LINGO2: variants seen among roughly 807,000 people sequenced by gnomAD.
LINGO2 encodes the protein leucine-rich repeat and immunoglobulin-like domain-containing nogo receptor-interacting protein 2.
Under a neutral mutation model 30.6 loss-of-function variants are expected in LINGO2, and 14 were observed. That is an observed-to-expected ratio of 0.46 (90% CI 0.30 to 0.72). The LOEUF is 0.72. Ranked by LOEUF, LINGO2 falls within the 30% of genes least tolerant of loss-of-function variation. The pLI is 0.07. For synonymous variants in LINGO2, 317 were observed against 288.5 expected, an observed-to-expected ratio of 1.10 and a Z score of -1.00; for missense variants, 729 against 751.7, an observed-to-expected ratio of 0.97 and a Z score of 0.35.
chr9:27,948,683 G>A (rs1823465298), exon 6 of LINGO2: 2 of 749,322 alleles, frequency 2.7e-6, no homozygotes, highest in Non-Finnish European at 4.4e-6. Context: ...CTGCCTGCCT[G>A]CCTTTCGATG....
At chr9:28,103,884 G>A (rs1259986980) in intron 4 of LINGO2, among the ~76,000 whole-genome samples, 1 of 152,048 alleles carries the variant, frequency 6.6e-6, no homozygotes, top group African/African-American at 2.4e-5. Flanking sequence ...CTTTGCTCTG[G>A]AAACAATGAG....
At chr9:29,050,369 GTA>G in the LINGO2 span, among the ~76,000 whole-genome samples, 1 of 151,822 alleles carries the variant, frequency 6.6e-6, no homozygotes, top group African/African-American at 2.4e-5. Context: ...AACATCTCAT[GTA>G]TTCCATAAAT....
chr9:28,776,710 A>G, the LINGO2 span, among the ~76,000 whole-genome samples: 1 of 152,182 alleles, frequency 6.6e-6, no homozygotes, highest in Non-Finnish European at 1.5e-5. Context: ...TTTCCTTTTC[A>G]AAGGTTATTG....
the LINGO2 span, among the ~76,000 whole-genome samples, chr9:28,680,865 C>T: frequency 6.6e-6 from 1 of 152,134 alleles, no homozygotes; most frequent in East Asian, 1.9e-4. Context: ...GCATTTTTGA[C>T]ATTAAACCCT....
At chr9:28,562,992 G>T (rs13286960) in intron 1 of LINGO2, among the ~76,000 whole-genome samples, 1 of 151,834 alleles carries the variant, frequency 6.6e-6, no homozygotes, top group Non-Finnish European at 1.5e-5. Context: ...GACAACAGGC[G>T]CATGCGACCA....
the LINGO2 span, among the ~76,000 whole-genome samples, chr9:28,791,257 T>C: frequency 5.9e-5 from 9 of 152,092 alleles, no homozygotes; most frequent in African/African-American, 2.2e-4. Flanking sequence ...AATGAGAGTA[T>C]TCTTTATCTT....
the LINGO2 span, among the ~76,000 whole-genome samples, chr9:29,145,142 C>A: frequency 6.6e-6 from 1 of 152,208 alleles, no homozygotes; most frequent in African/African-American, 2.4e-5. Context: ...GCTCTAGCAG[C>A]TGTTGTTCAG....
chr9:28,089,140 A>G (rs1489469711), intron 4 of LINGO2, among the ~76,000 whole-genome samples: 1 of 152,298 alleles, frequency 6.6e-6, no homozygotes, highest in East Asian at 1.9e-4. Context: ...ACCATTGTCA[A>G]CATTAGACAG....
the LINGO2 span, among the ~76,000 whole-genome samples, chr9:28,991,520 A>C: frequency 0.9 from 107,921 of 120,484 alleles, 48,670 homozygotes; most frequent in Non-Finnish European, 0.93. Context: ...GAGAACGCCA[A>C]AAAGATACTC....
chr9:28,251,991 C>T (rs545529345), intron 4 of LINGO2, among the ~76,000 whole-genome samples: 8 of 152,044 alleles, frequency 5.3e-5, no homozygotes, highest in South Asian at 2.1e-4. Context: ...AGCTATGTGA[C>T]GTTGGCCAAT....
chr9:28,709,900 G>A, the LINGO2 span, among the ~76,000 whole-genome samples: 1 of 151,812 alleles, frequency 6.6e-6, no homozygotes. Flanking sequence ...AAGGGCTATT[G>A]CACCTATGAT....
chr9:28,716,382 A>C, the LINGO2 span, among the ~76,000 whole-genome samples: 6 of 152,062 alleles, frequency 3.9e-5, no homozygotes, highest in African/African-American at 1.4e-4. Flanking sequence ...GAAAGGGTCC[A>C]AAATATTCAG....
intron 4 of LINGO2, among the ~76,000 whole-genome samples, chr9:28,028,798 G>A (rs1823516357): frequency 6.6e-6 from 1 of 152,046 alleles, no homozygotes; most frequent in African/African-American, 2.4e-5. Flanking sequence ...ATCCATGGAT[G>A]AGAATCCACA....
At chr9:28,540,942 T>G (rs1821665684) in intron 1 of LINGO2, among the ~76,000 whole-genome samples, 1 of 152,218 alleles carries the variant, frequency 6.6e-6, no homozygotes, top group African/African-American at 2.4e-5. Flanking sequence ...AAAAACAAAG[T>G]CTTTTATTTC....
At chr9:28,811,601 T>C in the LINGO2 span, among the ~76,000 whole-genome samples, 4 of 152,162 alleles carry the variant, frequency 2.6e-5, no homozygotes, top group Non-Finnish European at 5.9e-5. Context: ...ACTAGCTTTT[T>C]TTCTATTCCT....
chr9:28,572,431 A>G (rs1424107597), intron 1 of LINGO2, among the ~76,000 whole-genome samples: 1 of 152,148 alleles, frequency 6.6e-6, no homozygotes, highest in African/African-American at 2.4e-5. Flanking sequence ...CAAGAAAGGC[A>G]GGGTCACACC....
chr9:28,618,023 A>C (rs1306900604), intron 1 of LINGO2, among the ~76,000 whole-genome samples: 1 of 152,174 alleles, frequency 6.6e-6, no homozygotes, highest in Non-Finnish European at 1.5e-5. Context: ...GAGTTAATGA[A>C]GTTTTAAGAG....
chr9:28,283,331 T>C (rs1187081147), intron 4 of LINGO2, among the ~76,000 whole-genome samples: 1 of 152,180 alleles, frequency 6.6e-6, no homozygotes, highest in Non-Finnish European at 1.5e-5. Context: ...GTTGACATTA[T>C]CATCAGCAAA....
intron 4 of LINGO2, among the ~76,000 whole-genome samples, chr9:28,055,288 ATG>A (rs1824873251): frequency 6.6e-6 from 1 of 152,150 alleles, no homozygotes; most frequent in South Asian, 2.1e-4. Flanking sequence ...TGCTTATAAC[ATG>A]TGTTTTAAAT....
Sources: gnomAD v4.1 joint callset for allele counts (sites outside exome capture counted in the v4.1 genomes callset) on GRCh38, gnomAD v4.1.1 for gene constraint, MANE v1.5 for transcripts, NCBI Gene and HGNC (gene_info 2026-07-23, HGNC 2026-07-21) for gene names.